TPD52L2: variants seen among roughly 807,000 people sequenced by gnomAD.
The protein encoded by TPD52L2 is tumor protein D54.
In TPD52L2, 19 loss-of-function variants were observed where a neutral mutation model predicts 24.7. The ratio of observed to expected loss-of-function variants is 0.77; its 90% CI spans 0.54 to 1.13. The LOEUF is 1.13. TPD52L2 is among the 50% of genes most tolerant of loss of function. TPD52L2 has a pLI of 0.00. For missense variants in TPD52L2, 236 were observed against 250.4 expected, an observed-to-expected ratio of 0.94 and a Z score of 0.39; for synonymous variants, 104 against 100.2, an observed-to-expected ratio of 1.04 and a Z score of -0.23.
intron 2 of TPD52L2, among the ~76,000 whole-genome samples, chr20:63,870,796 CAATCT>C (rs2052434643): frequency 6.7e-6 from 1 of 149,460 alleles, no homozygotes; most frequent in South Asian, 2.1e-4. Flanking sequence ...CGGCTCGCTG[CAATCT>C]CCGCCTCCCA....
chr20:63,883,850 C>CTGCCTCCCTGCT (rs1379076887), intron 5 of TPD52L2, among the ~76,000 whole-genome samples: 51 of 151,920 alleles, frequency 3.4e-4, no homozygotes, highest in Non-Finnish European at 5.9e-4. Flanking sequence ...GCCTCCCTGC[C>CTGCCTCCCTGCT]TGCCTGCCTT....
intron 2 of TPD52L2, among the ~76,000 whole-genome samples, chr20:63,872,391 T>G (rs2052501321): frequency 6.6e-6 from 1 of 152,194 alleles, no homozygotes; most frequent in Non-Finnish European, 1.5e-5. Context: ...TTTGTTTGTT[T>G]GTTTTTGAAA....
intron 4 of TPD52L2, among the ~76,000 whole-genome samples, chr20:63,881,324 C>T (rs2052889476): frequency 6.6e-6 from 1 of 151,366 alleles, no homozygotes; most frequent in South Asian, 2.1e-4. Flanking sequence ...TGCACCACTG[C>T]CCCCCAGCCT....
At chr20:63,871,769 G>A (rs964786528) in intron 2 of TPD52L2, among the ~76,000 whole-genome samples, 5 of 151,886 alleles carry the variant, frequency 3.3e-5, no homozygotes, top group Non-Finnish European at 7.4e-5. Flanking sequence ...GAGTACCTGG[G>A]GTTACAGGTG....
At chr20:63,869,186 C>T (rs1273603137) in intron 1 of TPD52L2, 110 bp from the exon 2 acceptor site, 2 of 1,276,682 alleles carry the variant, frequency 1.6e-6, no homozygotes, top group East Asian at 2.3e-5. Context: ...GTGTTAGTCT[C>T]CAGGGTCTCA....
At chr20:63,886,097 G>T in intron 5 of TPD52L2, 1 of 1,581,140 alleles carries the variant, frequency 6.3e-7, no homozygotes, top group Admixed American at 1.7e-5. Context: ...TTGGGGCAGG[G>T]TGGACTCCGG....
intron 5 of TPD52L2, chr20:63,887,615 G>A (rs760511000): frequency 1.2e-6 from 2 of 1,612,740 alleles, no homozygotes; most frequent in East Asian, 4.5e-5. Flanking sequence ...GGTAATGTAT[G>A]CCTGCTCGCT....
Position 63,885,918 on chromosome 20 carries a change from G to C in TPD52L2, c.476+3098G>C, listed in dbSNP as rs1258400909. The stretch of plus-strand genomic sequence containing the variant: ...GCTGGGCCTGACTGAGCACGAGCAG[G>C]GGGCCTCCCCTGGGGCTCCCCGAGG... On this transcript the variant is annotated intron_variant, in intron 5 of 6. Transcript: ENST00000346249. The C allele has an allele frequency of 3.0e-6, 4 of 1,318,588 alleles. No individual in the cohort carries two copies. The East Asian group carries it at 9.2e-5, about 30-fold the overall frequency. 81.7% of individuals were successfully genotyped at this position (1,318,588 alleles called of 1,614,324 possible). A position where few individuals can be genotyped will look rare whatever the true frequency, so the allele number is the denominator to read the frequency against.
intron 1 of TPD52L2, 42 bp downstream of exon 1, chr20:63,865,426 G>A (rs1383441931): frequency 1.3e-6 from 2 of 1,508,798 alleles, no homozygotes; most frequent in Non-Finnish European, 8.8e-7. Flanking sequence ...ATGGGCCCAG[G>A]CTGCCCGTTG....
intron 2 of TPD52L2, among the ~76,000 whole-genome samples, chr20:63,870,104 G>A (rs185113260): frequency 1.5e-3 from 222 of 152,348 alleles, no homozygotes; most frequent in African/African-American, 5.0e-3. Flanking sequence ...AGCAGCCTGG[G>A]TGACAGGGCG....
At chr20:63,878,117 A>G (rs1376240389) in intron 4 of TPD52L2, among the ~76,000 whole-genome samples, 2 of 152,222 alleles carry the variant, frequency 1.3e-5, no homozygotes, top group Non-Finnish European at 2.9e-5. Flanking sequence ...ATGTACCTCC[A>G]CTGCCCAGAG....
At chr20:63,872,224 T>G (rs2052495061) in intron 2 of TPD52L2, among the ~76,000 whole-genome samples, 1 of 152,078 alleles carries the variant, frequency 6.6e-6, no homozygotes, top group African/African-American at 2.4e-5. Context: ...CTTAAGGGTG[T>G]TTTTTTCTGT....
At position 63,869,373 on chromosome 20, in the gene TPD52L2, G is replaced by T. The variant is rs751835951; in HGVS notation, c.97G>T (p.Ala33Ser). ...TDVPVDTGVAARTPAVEGLTE... is the reference protein window; with the variant it reads ...TDVPVDTGVASRTPAVEGLTE... ...TGTTCCTGTCGACACAGGTGTGGCT[G>T]CCCGGACTCCTGCTGTTGAGGGTCT... The change falls in exon 2 of 7, where the codon GCC (alanine) becomes TCC (serine). Residue 33 changes from alanine to serine, a missense_variant. Coordinates refer to ENST00000346249, the MANE Select transcript of TPD52L2 (RefSeq NM_003288.4). 2 of 1,614,214 alleles carry T rather than the reference G, an allele frequency of 1.2e-6. No individual in the cohort carries two copies. The highest frequency in any genetic ancestry group is 2.2e-5 in the South Asian group (2 of 91,090).
At chr20:63,881,625 T>G (rs2052903243) in intron 4 of TPD52L2, among the ~76,000 whole-genome samples, 1 of 152,174 alleles carries the variant, frequency 6.6e-6, no homozygotes, top group Non-Finnish European at 1.5e-5. Context: ...CTGTGCCTTC[T>G]CTGGCGCCAG....
intron 6 of TPD52L2, 101 bp downstream of exon 6, chr20:63,889,339 T>A: frequency 9.4e-7 from 1 of 1,064,154 alleles, no homozygotes; most frequent in Non-Finnish European, 1.4e-6. Flanking sequence ...CACATACAGT[T>A]GTGGGAAGTA....
chr20:63,876,908 G>A (rs895091609), intron 4 of TPD52L2: 41 of 455,318 alleles, frequency 9.0e-5, no homozygotes, highest in Non-Finnish European at 1.6e-4. Flanking sequence ...ACGGCATGTT[G>A]CCCTGGGTAT....
At chr20:63,885,964 G>A (rs2053077662) in intron 5 of TPD52L2, 1 of 1,605,166 alleles carries the variant, frequency 6.2e-7, no homozygotes, top group Non-Finnish European at 8.5e-7. Context: ...GTGGGTGCTG[G>A]CCTCCCTTGC....
At position 63,865,275 on chromosome 20, in the gene TPD52L2, C is replaced by G; in HGVS notation, c.-91C>G. 1 of 1,393,432 alleles carries G rather than the reference C, an allele frequency of 7.2e-7. No homozygotes were observed. The highest frequency in any genetic ancestry group is 9.4e-7 in the Non-Finnish European group (1 of 1,062,224). 86.3% of individuals were successfully genotyped at this position (1,393,432 alleles called of 1,614,324 possible). A position where few individuals can be genotyped will look rare whatever the true frequency, so the allele number is the denominator to read the frequency against. On this transcript the variant is annotated 5_prime_UTR_variant, in exon 1 of 7. Transcript: ENST00000346249. ...AAACGCCGCGGAGCTGAGGCAGTTC[C>G]GCTGGCTAGTGTGTACGCGGCGAGC...
At chr20:63,873,009 G>A (rs1422802631) in intron 2 of TPD52L2, among the ~76,000 whole-genome samples, 4 of 150,222 alleles carry the variant, frequency 2.7e-5, no homozygotes, top group South Asian at 2.2e-4. Flanking sequence ...CACTGCGCCC[G>A]GCCGGTCTTC....
Sources: gnomAD v4.1 joint callset for allele counts (sites outside exome capture counted in the v4.1 genomes callset) on GRCh38, gnomAD v4.1.1 for gene constraint, MANE v1.5 for transcripts, NCBI Gene and HGNC (gene_info 2026-07-23, HGNC 2026-07-21) for gene names.